The following TARP variants were observed in gnomAD, a reference collection of about 807,000 sequenced individuals.
chr7:38,265,475 A>G, the TARP span: 322 of 1,611,672 alleles, frequency 2.0e-4, 1 homozygote, highest in Non-Finnish European at 2.5e-4. Flanking sequence ...AATTTCATGT[A>G]TGTGTCGTTA....
At chr7:38,268,644 T>C in the TARP span, among the ~76,000 whole-genome samples, 3 of 151,290 alleles carry the variant, frequency 2.0e-5, no homozygotes, top group African/African-American at 7.3e-5. Context: ...AAGGATTAAG[T>C]AAAGCACATA....
At chr7:38,272,101 A>G in the TARP span, among the ~76,000 whole-genome samples, 1 of 151,292 alleles carries the variant, frequency 6.6e-6, no homozygotes, top group Admixed American at 6.6e-5. Context: ...TTACTTTTAG[A>G]AGCAGGTACA....
At chr7:38,262,656 G>A in the TARP span, among the ~76,000 whole-genome samples, 46 of 151,376 alleles carry the variant, frequency 3.0e-4, no homozygotes, top group Non-Finnish European at 5.2e-4. Flanking sequence ...TTGTTTGTTT[G>A]TTTGTTTTTT....
chr7:38,264,497 A>G, the TARP span, among the ~76,000 whole-genome samples: 1 of 151,530 alleles, frequency 6.6e-6, no homozygotes, highest in African/African-American at 2.4e-5. Context: ...AGGCTGAAGT[A>G]AGAGAATCAC....
chr7:38,270,954 G>A, the TARP span, among the ~76,000 whole-genome samples: 2 of 151,036 alleles, frequency 1.3e-5, no homozygotes, highest in Admixed American at 1.3e-4. Flanking sequence ...AAAATTTGGT[G>A]TGCTTCTTTT....
At chr7:38,267,149 A>C in the TARP span, among the ~76,000 whole-genome samples, 1 of 151,576 alleles carries the variant, frequency 6.6e-6, no homozygotes, top group Non-Finnish European at 1.5e-5. Context: ...TATCTGTCCT[A>C]TATGCTGCTT....
chr7:38,263,810 A>G, the TARP span, among the ~76,000 whole-genome samples: 2,675 of 151,770 alleles, frequency 0.018, 3 homozygotes, highest in African/African-American at 0.061. Flanking sequence ...TGAGATCTTT[A>G]TTTCATGAAT....
At chr7:38,266,843 A>C in the TARP span, among the ~76,000 whole-genome samples, 1 of 151,874 alleles carries the variant, frequency 6.6e-6, no homozygotes, top group Non-Finnish European at 1.5e-5. Flanking sequence ...TGAATTTAGA[A>C]ACAAAATGGC....
At chr7:38,261,745 G>A in the TARP span, among the ~76,000 whole-genome samples, 8 of 150,504 alleles carry the variant, frequency 5.3e-5, no homozygotes, top group South Asian at 2.1e-4. Context: ...GGTGGCACGC[G>A]CCTGTAGTCC....
At chr7:38,267,449 G>A in the TARP span, among the ~76,000 whole-genome samples, 5 of 151,372 alleles carry the variant, frequency 3.3e-5, no homozygotes, top group Admixed American at 2.0e-4. Context: ...TTTAATAATT[G>A]AACAATTTCT....
the TARP span, chr7:38,273,622 T>TTG: frequency 3.8e-6 from 6 of 1,598,232 alleles, no homozygotes; most frequent in Non-Finnish European, 5.1e-6. Flanking sequence ...ACCAAATACC[T>TTG]TGATTTTTTT....
At chr7:38,262,708 G>C in the TARP span, among the ~76,000 whole-genome samples, 2 of 151,464 alleles carry the variant, frequency 1.3e-5, no homozygotes, top group Non-Finnish European at 2.9e-5. Flanking sequence ...GTGGAGTATA[G>C]TACGGTGTCA....
At chr7:38,264,382 G>A in the TARP span, among the ~76,000 whole-genome samples, 4 of 151,560 alleles carry the variant, frequency 2.6e-5, no homozygotes, top group Non-Finnish European at 5.9e-5. Flanking sequence ...CTTGAGGTCA[G>A]GAATTTGAGA....
At chr7:38,260,895 T>C in the TARP span, among the ~76,000 whole-genome samples, 1 of 151,588 alleles carries the variant, frequency 6.6e-6, no homozygotes, top group Non-Finnish European at 1.5e-5. Context: ...GTATTGGAAA[T>C]AGAGGAAAGT....
At chr7:38,268,703 G>A in the TARP span, among the ~76,000 whole-genome samples, 2 of 151,734 alleles carry the variant, frequency 1.3e-5, no homozygotes, top group East Asian at 1.9e-4. Context: ...TTTTTGCCAC[G>A]TGATTAAAAA....
At chr7:38,271,403 T>G in the TARP span, among the ~76,000 whole-genome samples, 1 of 151,466 alleles carries the variant, frequency 6.6e-6, no homozygotes, top group African/African-American at 2.4e-5. Context: ...GGAGGTGCCT[T>G]ATGTATGGTA....
At chr7:38,263,911 G>A in the TARP span, among the ~76,000 whole-genome samples, 1 of 151,978 alleles carries the variant, frequency 6.6e-6, no homozygotes, top group African/African-American at 2.4e-5. Context: ...ATATCTTTAA[G>A]GGCTGACTTT....
chr7:38,271,448 T>G, the TARP span, among the ~76,000 whole-genome samples: 1 of 151,548 alleles, frequency 6.6e-6, no homozygotes, highest in African/African-American at 2.4e-5. Context: ...TAAAAAATGT[T>G]CTTCTAATAC....
the TARP span, among the ~76,000 whole-genome samples, chr7:38,263,026 A>G: frequency 6.6e-6 from 1 of 151,550 alleles, no homozygotes. Flanking sequence ...GCTTAGAAAA[A>G]TTTCTCATCT....
Sources: allele counts gnomAD v4.1 joint callset (sites outside exome capture counted in the v4.1 genomes callset), GRCh38; gene constraint gnomAD v4.1.1; transcripts MANE v1.5.